SPTBN4: variants seen among roughly 807,000 people sequenced by gnomAD.
SPTBN4 encodes the protein spectrin beta chain, non-erythrocytic 4.
SPTBN4 carries 96 observed loss-of-function variants against 277.8 expected under a neutral mutation model. That is an observed-to-expected ratio of 0.35 (90% CI 0.29 to 0.41). The LOEUF is 0.41. Among genes scored for constraint, SPTBN4 ranks in the 10% least tolerant of loss-of-function variants. The pLI, the probability that SPTBN4 is intolerant of heterozygous loss-of-function variation, is 1.00. For missense variants in SPTBN4, 3,006 were observed against 3,595.7 expected, an observed-to-expected ratio of 0.84 and a Z score of 4.19; for synonymous variants, 1,481 against 1,580.3, an observed-to-expected ratio of 0.94 and a Z score of 1.49.
chr19:40,468,412 T>G (rs1013893709), intron 1 of SPTBN4, among the ~76,000 whole-genome samples: 4 of 152,072 alleles, frequency 2.6e-5, no homozygotes, highest in Admixed American at 2.6e-4. Flanking sequence ...AGTTTCATTC[T>G]GTCATTCAGG....
At position 40,529,056 on chromosome 19, in the gene SPTBN4, G is replaced by C; in HGVS notation, c.3873G>C (p.Gln1291His). The C allele has an allele frequency of 1.2e-6, 2 of 1,614,020 alleles. No homozygotes were observed. Among genetic ancestry groups the C allele is most frequent in the Non-Finnish European group, 1.7e-6 (2 of 1,179,946 alleles). ...TRLLEKNQEN[Q>H]LRAQQWMQKL... ...CCATCCCCAGGAACCAAGAAAACCAGTTACGGGCCCAGCAATGGATGCAAA... is the reference window on the plus strand; with the variant it reads ...CCATCCCCAGGAACCAAGAAAACCACTTACGGGCCCAGCAATGGATGCAAA... Residue 1291 changes from glutamine to histidine, a missense_variant, in exon 18 of 36, where the codon CAG becomes CAC. Gln to His is a conservative substitution (Grantham distance 24). Around this residue, in one of 5 missense-constraint regions of SPTBN4, gnomAD observed 1,759 missense variants for 2,061.5 expected, o/e 0.85. Transcript: ENST00000598249.
intron 17 of SPTBN4, among the ~76,000 whole-genome samples, 171 bp downstream of exon 17, chr19:40,523,810 A>ATT (rs112767272): frequency 1.4e-5 from 2 of 147,372 alleles, no homozygotes; most frequent in South Asian, 2.1e-4. Context: ...ATTTAAGTGG[A>ATT]TTTTTTTTTT....
At chr19:40,518,132 C>G (rs2080481558) in intron 15 of SPTBN4, among the ~76,000 whole-genome samples, 1 of 152,038 alleles carries the variant, frequency 6.6e-6, no homozygotes, top group African/African-American at 2.4e-5. Context: ...GTGATGAAAC[C>G]CCATCTCTAT....
At chr19:40,562,550 A>AG (rs1273131572) in intron 27 of SPTBN4, among the ~76,000 whole-genome samples, 1 of 149,704 alleles carries the variant, frequency 6.7e-6, no homozygotes, top group East Asian at 2.0e-4. Flanking sequence ...AAAAAAAAAA[A>AG]AAGGCTGGGC....
At chr19:40,546,310 A>T (rs1175311122) in intron 20 of SPTBN4, among the ~76,000 whole-genome samples, 6 of 152,038 alleles carry the variant, frequency 3.9e-5, no homozygotes, top group Non-Finnish European at 1.5e-5. Flanking sequence ...GCTTATTAAT[A>T]AGACTGAGCA....
Position 40,572,369 on chromosome 19 carries a change from G to A in SPTBN4, c.7525G>A (p.Ala2509Thr). The change falls in exon 35 of 36, where the codon GCA (alanine) becomes ACA (threonine). Residue 2509 changes from alanine to threonine, a missense_variant. By Grantham distance (58) the Ala-to-Thr change is moderately conservative (BLOSUM62 0). Transcript: ENST00000598249. ...TQDGSEFLLQ[A>T]KDEEEMNGWL... is the part of the protein sequence containing the mutation. ...GGATGGCAGTGAGTTTTTGCTCCAG[G>A]CAAAAGATGAGGTGAGATCTGGTCC... 2 of 1,614,204 alleles carry A rather than the reference G, an allele frequency of 1.2e-6. No individual in the cohort carries two copies. Among genetic ancestry groups the A allele is most frequent in the Non-Finnish European group, 1.7e-6 (2 of 1,180,028 alleles).
intron 22 of SPTBN4, 61 bp downstream of exon 22, chr19:40,550,388 T>C (rs1235003447): frequency 3.3e-6 from 5 of 1,535,226 alleles, no homozygotes; most frequent in Non-Finnish European, 4.4e-6. Flanking sequence ...TAGAAACAGC[T>C]GAAGGTGGTT....
In SPTBN4 at chr19:40,523,478, A is replaced by C; in HGVS notation, c.3696A>C (p.Glu1232Asp). The C allele has an allele frequency of 6.2e-7, 1 of 1,612,950 alleles. No homozygotes were observed. The change falls in exon 17 of 36, where the codon GAA becomes GAC. Residue 1232 changes from glutamate (E) to aspartate (D), a missense_variant. By Grantham distance (45) the Glu-to-Asp change is conservative. Around this residue, in one of 5 missense-constraint regions of SPTBN4, gnomAD observed 1,759 missense variants for 2,061.5 expected, o/e 0.85. Transcript: ENST00000598249. Reference protein sequence around the residue: ...LSGAELPGTVESVEEALKQHR... With the variant: ...LSGAELPGTVDSVEEALKQHR... ...GTGCGGAGCTCCCGGGCACAGTGGA[A>C]TCGGTGGAGGAGGCCTTGAAACAGC...
Position 40,563,662 on chromosome 19 carries a change from G to A in SPTBN4, c.5916-1761G>A, listed in dbSNP as rs561055939. On this transcript the variant is annotated intron_variant, in intron 27 of 35. Transcript: ENST00000598249. ...CTCAGCCTCCCAATCTCAGCCAAGCGGAGATCGCACCACTGCAGTCCAGCC... is the reference window on the plus strand; with the variant it reads ...CTCAGCCTCCCAATCTCAGCCAAGCAGAGATCGCACCACTGCAGTCCAGCC... Among the ~76,000 whole-genome samples, 8 of 134,344 alleles carry A rather than the reference G, an allele frequency of 6.0e-5. No individual in the cohort carries two copies. In the East Asian group the frequency reaches 6.5e-4, roughly 11 times the overall value. 88.1% of individuals were successfully genotyped at this position (134,344 alleles called of 152,430 possible).
At chr19:40,529,340 A>AG (rs2080634975) in intron 18 of SPTBN4, among the ~76,000 whole-genome samples, 1 of 152,166 alleles carries the variant, frequency 6.6e-6, no homozygotes, top group Admixed American at 6.5e-5. Flanking sequence ...GAAACGAAGG[A>AG]GGGGCCCCGG....
At chr19:40,533,468 C>G (rs2080700648) in intron 19 of SPTBN4, among the ~76,000 whole-genome samples, 1 of 152,050 alleles carries the variant, frequency 6.6e-6, no homozygotes, top group Non-Finnish European at 1.5e-5. Flanking sequence ...CAGAACTTCC[C>G]CCTCCTCTGG....
intron 16 of SPTBN4, among the ~76,000 whole-genome samples, chr19:40,523,068 A>G (rs1393895950): frequency 3.3e-5 from 5 of 152,150 alleles, no homozygotes; most frequent in Admixed American, 3.3e-4. Flanking sequence ...CAGGAGGTGG[A>G]GGTTGCAGTG....
At chr19:40,481,945 T>A (rs2080017046) in intron 2 of SPTBN4, among the ~76,000 whole-genome samples, 1 of 151,826 alleles carries the variant, frequency 6.6e-6, no homozygotes, top group African/African-American at 2.4e-5. Context: ...GTCTTTTTTT[T>A]TTTTCTTTTG....
In SPTBN4 at chr19:40,519,841, A is replaced by T. The variant is rs1445156379; in HGVS notation, c.3344A>T (p.Glu1115Val). 16 of 1,439,036 alleles carry T rather than the reference A, an allele frequency of 1.1e-5. No homozygotes were observed. The highest frequency in any genetic ancestry group is 1.5e-5 in the African/African-American group (1 of 66,524). The allele number at this position is 1,439,036 out of a possible 1,614,324, so 89.1% of individuals were successfully genotyped here. ...VRAQEAAGGS[E>V]GPLPNSLEEA... ...GCCCAGGAGGCGGCGGGCGGCAGCG[A>T]GGGGCCCCTGCCCAACAGCCTAGAA... Residue 1115 changes from glutamate (E) to valine (V), a missense_variant, in exon 16 of 36, where the codon GAG (glutamate) becomes GTG (valine). Glu to Val is a moderately radical substitution (Grantham distance 121, BLOSUM62 -2). Coordinates refer to ENST00000598249, the MANE Select transcript of SPTBN4 (RefSeq NM_020971.3). This position sits in a 1 kb window ranked among gnomAD's most constrained non-coding sequence, Gnocchi z 5.7.
chr19:40,495,014 C>T (rs773232124), intron 6 of SPTBN4, 37 bp downstream of exon 6: 8 of 1,595,430 alleles, frequency 5.0e-6, no homozygotes, highest in Non-Finnish European at 6.0e-6. Context: ...TCCTGCCCTT[C>T]AGCCCCCCAT....
intron 7 of SPTBN4, among the ~76,000 whole-genome samples, chr19:40,499,965 C>A (rs930862043): frequency 6.6e-6 from 1 of 151,316 alleles, no homozygotes; most frequent in African/African-American, 2.4e-5. Flanking sequence ...ATCACTCAGT[C>A]ATGGTGATGG....
intron 13 of SPTBN4, 119 bp downstream of exon 13, chr19:40,506,505 A>G (rs1343461228): frequency 7.2e-7 from 1 of 1,395,606 alleles, no homozygotes; most frequent in Admixed American, 2.7e-5. Flanking sequence ...GGAGGCATTT[A>G]AGCAGAGCCT....
chr19:40,525,818 A>C lies in SPTBN4; in HGVS notation c.3857+2179A>C, dbSNP rs966662320. Among the ~76,000 whole-genome samples, 3 of 152,166 alleles carry C rather than the reference A, an allele frequency of 2.0e-5. No individual in the cohort carries two copies. The East Asian group carries it at 5.8e-4, about 29-fold the overall frequency. On this transcript the variant is annotated intron_variant, in intron 17 of 35. Transcript: ENST00000598249. ...TCCAGGCAGAAAGGTCAGGGCCCGG[A>C]TGGGAGACGTGCAGCCGCTGTGGGA... is the stretch of plus-strand genomic sequence containing the variant.
Position 40,575,688 on chromosome 19 carries a change from C to A in SPTBN4, c.*119C>A. 7.8e-7 allele frequency: 1 copy of A among 1,277,638 alleles called. No homozygotes were observed. Among genetic ancestry groups the A allele is most frequent in the African/African-American group, 1.5e-5 (1 of 66,624 alleles). The allele number at this position is 1,277,638 out of a possible 1,614,324, so 79.1% of individuals were successfully genotyped here. A position where few individuals can be genotyped will look rare whatever the true frequency, so the allele number is the denominator to read the frequency against. On this transcript the variant is annotated 3_prime_UTR_variant, in exon 36 of 36. Transcript: ENST00000598249. ...TAGTTCCAACACTGAGGACGCGTGA[C>A]ATGGTGGGCACCGGAAAGGAGGGGA... is the stretch of plus-strand genomic sequence containing the variant.
Sources: gnomAD v4.1 joint callset for allele counts (sites outside exome capture counted in the v4.1 genomes callset) on GRCh38, gnomAD v4.1.1 for gene constraint, gnomAD v4.1.1 regional missense constraint, Gnocchi (gnomAD v3.1) non-coding constraint, MANE v1.5 for transcripts, NCBI Gene and HGNC (gene_info 2026-07-23, HGNC 2026-07-21) for gene names.